Variants in OSBPL6 observed in about 807,000 individuals in gnomAD.
The protein encoded by OSBPL6 is oxysterol binding protein like 6, also known as oxysterol-binding protein-related protein 6.
A neutral mutation model predicts 125.8 loss-of-function variants in OSBPL6; 49 were observed. The ratio of observed to expected loss-of-function variants is 0.39; its 90% CI spans 0.31 to 0.49. The LOEUF (loss-of-function observed/expected upper bound fraction) is 0.49. Ranked by LOEUF, OSBPL6 falls within the 20% of genes least tolerant of loss-of-function variation. OSBPL6 has a pLI of 0.88. For synonymous variants in OSBPL6, 394 were observed against 391.8 expected, an observed-to-expected ratio of 1.01 and a Z score of -0.07; for missense variants, 986 against 1,135.4, an observed-to-expected ratio of 0.87 and a Z score of 1.89.
At chr2:178,382,648 C>G (rs529249358) in intron 16 of OSBPL6, 141 bp downstream of exon 16, 213 of 1,480,056 alleles carry the variant, frequency 1.4e-4, no homozygotes, top group Non-Finnish European at 1.8e-4. Context: ...TCAATACATT[C>G]TATTTTGTAT....
chr2:178,381,203 T>C (rs1471769946), intron 15 of OSBPL6, among the ~76,000 whole-genome samples: 3 of 152,210 alleles, frequency 2.0e-5, no homozygotes, highest in South Asian at 4.1e-4. Context: ...CCTGATCTGC[T>C]CTGTTTCTAA....
In OSBPL6 at chr2:178,226,613, C is replaced by G. The variant is rs563433569; in HGVS notation, c.-351+31939C>G. ...ATGTGTTTAGAACTTTGGTGTATGT[C>G]GGATTTGTAGGAAAAGGAGGGACTA... On this transcript the variant is annotated intron_variant, in intron 1 of 24. Transcript: ENST00000190611. Among the ~76,000 whole-genome samples the G allele has an allele frequency of 5.3e-5, 8 of 152,092 alleles. No individual in the cohort carries two copies. In the South Asian group the frequency reaches 1.2e-3, roughly 24 times the overall value.
At chr2:178,374,983 G>T (rs912992340) in intron 15 of OSBPL6, among the ~76,000 whole-genome samples, 1 of 152,094 alleles carries the variant, frequency 6.6e-6, no homozygotes, top group Non-Finnish European at 1.5e-5. Flanking sequence ...GCATGCACCT[G>T]CCTGTCAGAT....
At chr2:178,194,329 C>T (rs1295356222), upstream of OSBPL6, among the ~76,000 whole-genome samples, 3 of 152,122 alleles carry the variant, frequency 2.0e-5, no homozygotes, top group African/African-American at 7.2e-5. Flanking sequence ...GGAGGGGCGC[C>T]CGGTAGGGCG....
At chr2:178,282,060 G>A (rs1165371292) in intron 1 of OSBPL6, among the ~76,000 whole-genome samples, 2 of 152,202 alleles carry the variant, frequency 1.3e-5, no homozygotes, top group Non-Finnish European at 1.5e-5. Context: ...TGTAAGACCA[G>A]GACAGCCTGA....
rs368144902 is a variant in OSBPL6, at chr2:178,372,115, G to C, written c.1288-11G>C. The C allele has an allele frequency of 2.5e-6, 4 of 1,597,192 alleles. No homozygotes were observed. The highest frequency in any genetic ancestry group is 3.4e-6 in the Non-Finnish European group (4 of 1,167,484). ...ATTTTAAATTACATATGTGGTTTTT[G>C]TTATTTTAAGGCACTCAACCAGAAT... On this transcript the variant is annotated splice_polypyrimidine_tract_variant and intron_variant, in intron 13 of 24. Transcript: ENST00000190611.
At chr2:178,282,615 G>A (rs1684311702) in intron 1 of OSBPL6, among the ~76,000 whole-genome samples, 1 of 152,116 alleles carries the variant, frequency 6.6e-6, no homozygotes, top group African/African-American at 2.4e-5. Flanking sequence ...TTCATCATAG[G>A]AAGGAGGAAG....
intron 1 of OSBPL6, among the ~76,000 whole-genome samples, chr2:178,241,502 A>C (rs2091291898): frequency 6.9e-6 from 1 of 143,894 alleles, no homozygotes; most frequent in African/African-American, 2.6e-5. Context: ...TGCAACCTCC[A>C]CATCCTGGGT....
chr2:178,353,618 T>A (rs1574949088), intron 12 of OSBPL6, among the ~76,000 whole-genome samples: 1 of 152,194 alleles, frequency 6.6e-6, no homozygotes, highest in East Asian at 1.9e-4. Context: ...AATCTACATT[T>A]GATAGGTTTA....
At chr2:178,288,975 T>A (rs1052179156) in intron 2 of OSBPL6, among the ~76,000 whole-genome samples, 1 of 149,478 alleles carries the variant, frequency 6.7e-6, no homozygotes, top group Non-Finnish European at 1.5e-5. Flanking sequence ...TTATTAAGAC[T>A]TTTTTCTTCT....
chr2:178,226,648 T>C (rs2090575395), intron 1 of OSBPL6, among the ~76,000 whole-genome samples: 1 of 152,208 alleles, frequency 6.6e-6, no homozygotes, highest in Admixed American at 6.5e-5. Context: ...ATTCAGTATA[T>C]GGAACAGAGA....
At chr2:178,329,147 C>A (rs1344849251) in intron 5 of OSBPL6, among the ~76,000 whole-genome samples, 2 of 152,048 alleles carry the variant, frequency 1.3e-5, no homozygotes, top group African/African-American at 4.8e-5. Context: ...CTATTTAGTT[C>A]TTTGGGATAC....
At chr2:178,337,869 G>A (rs1457839964) in intron 9 of OSBPL6, among the ~76,000 whole-genome samples, 1 of 151,792 alleles carries the variant, frequency 6.6e-6, no homozygotes, top group Middle Eastern at 3.2e-3. Context: ...GAGTATGAAT[G>A]TAATATTTCC....
chr2:178,265,579 C>T (rs1434608820), intron 1 of OSBPL6, among the ~76,000 whole-genome samples: 2 of 151,946 alleles, frequency 1.3e-5, no homozygotes, highest in South Asian at 2.1e-4. Flanking sequence ...TGTCCCTCAG[C>T]GTATTAGAGG....
rs564037517 is a variant in OSBPL6, at chr2:178,378,155, C to T, written c.1533+4128C>T. Among the ~76,000 whole-genome samples the T allele has an allele frequency of 2.3e-3, 350 of 152,172 alleles. 3 individuals are homozygous for T. The South Asian group carries it at 0.025, about 11-fold the overall frequency. ...CCTCTGACCTTTTGTATCCCTCTTT[C>T]CTCATTTTTTTTCCTTCATGCTTAT... On this transcript the variant is annotated intron_variant, in intron 15 of 24. Transcript: ENST00000190611.
chr2:178,264,369 A>G (rs1231702586), intron 1 of OSBPL6, among the ~76,000 whole-genome samples: 2 of 152,142 alleles, frequency 1.3e-5, no homozygotes, highest in East Asian at 1.9e-4. Context: ...TAAGCACTAG[A>G]TTAGGCACTG....
chr2:178,248,521 G>T lies in OSBPL6; in HGVS notation c.-350-36406G>T, dbSNP rs569277761. 3.9e-5 allele frequency among the ~76,000 whole-genome samples: 6 copies of T among 152,158 alleles called. No homozygotes were observed. In the East Asian group the frequency reaches 9.7e-4, roughly 25 times the overall value. ...CCAATTTGTAACCCTGATGTTAGTT[G>T]TTTTGGGGTTAGGAAAGGACAGCTG... On this transcript the variant is annotated intron_variant, in intron 1 of 24. Transcript: ENST00000190611.
intron 1 of OSBPL6, among the ~76,000 whole-genome samples, chr2:178,271,197 G>A (rs2092368347): frequency 1.3e-5 from 2 of 151,960 alleles, no homozygotes; most frequent in Admixed American, 1.3e-4. Flanking sequence ...CACTGTCTCG[G>A]CATTTTAAAA....
chr2:178,277,165 G>A (rs1574719383), intron 1 of OSBPL6, among the ~76,000 whole-genome samples: 1 of 152,298 alleles, frequency 6.6e-6, no homozygotes, highest in East Asian at 1.9e-4. Context: ...CATGTTTATA[G>A]TGTTTTAGAA....
Sources: gnomAD v4.1 joint callset for allele counts (sites outside exome capture counted in the v4.1 genomes callset) on GRCh38, gnomAD v4.1.1 for gene constraint, MANE v1.5 for transcripts, NCBI Gene and HGNC (gene_info 2026-07-23, HGNC 2026-07-21) for gene names.